NPHS1: variants seen among roughly 807,000 people sequenced by gnomAD.
NPHS1 encodes the protein NPHS1 adhesion molecule, nephrin.
NPHS1 carries 107 observed loss-of-function variants against 139.7 expected under a neutral mutation model. The observed-to-expected ratio is 0.77, with a 90% CI of 0.66 to 0.90. NPHS1 has a LOEUF of 0.90. Ranked by LOEUF, NPHS1 falls within the 40% of genes least tolerant of loss-of-function variation. The probability of loss-of-function intolerance (pLI) is 0.00; values close to 1 mark genes in which losing one functional copy is unlikely to be tolerated. For synonymous variants in NPHS1, 707 were observed against 706.6 expected (o/e 1.00, Z -0.01); for missense variants, 1,580 against 1,654.2 (o/e 0.96, Z 0.78).
At chr19:35,847,171 G>A (rs1447722617) in intron 11 of NPHS1, among the ~76,000 whole-genome samples, 2 of 148,346 alleles carry the variant, frequency 1.3e-5, no homozygotes, top group Admixed American at 1.3e-4. Flanking sequence ...TCAGCCTCCC[G>A]AGTAGCTGGG....
intron 17 of NPHS1, 133 bp downstream of exon 17, chr19:35,843,339 G>T: frequency 8.6e-7 from 1 of 1,157,144 alleles, no homozygotes; most frequent in Non-Finnish European, 1.3e-6. Flanking sequence ...TATTCATTCT[G>T]GGAGCATGCC....
At chr19:35,850,921 C>T (rs1235674417) in intron 4 of NPHS1, 40 bp downstream of exon 4, 1 of 1,612,222 alleles carries the variant, frequency 6.2e-7, no homozygotes, top group Non-Finnish European at 8.5e-7. Flanking sequence ...ACTCCAGAGG[C>T]TTCATGCTGC....
rs386833947 is a variant in NPHS1 at position 35,850,969 on chromosome 19, ATGG to A, written c.515_517del (p.Thr172del). ...AGTTCACCCACACTCACTCAGGAGA[ATGG>A]TGATGTCAGGTGCTGGCTTCGCGTC... On this transcript the variant is annotated inframe_deletion, in exon 4 of 29. Coordinates refer to ENST00000378910, the MANE Select transcript of NPHS1 (RefSeq NM_004646.4). 20 of 1,613,964 alleles carry A rather than the reference ATGG, an allele frequency of 1.2e-5. No homozygotes were observed. Among genetic ancestry groups the A allele is most frequent in the Middle Eastern group, 3.3e-4 (2 of 6,084 alleles).
At position 35,845,702 on chromosome 19, in the gene NPHS1, G is replaced by A. The variant is rs386833890; in HGVS notation, c.1724C>T (p.Pro575Leu). 1 of 1,614,044 alleles carries A rather than the reference G, an allele frequency of 6.2e-7. No individual in the cohort carries two copies. Among genetic ancestry groups the A allele is most frequent in the Admixed American group, 1.7e-5 (1 of 60,008 alleles). The change falls in exon 13 of 29, where the codon CCG becomes CTG. Residue 575 changes from proline to leucine, a missense_variant. By Grantham distance (98) the Pro-to-Leu change is moderately conservative. Transcript: ENST00000378910. The surrounding 1 kb of genome is among the most constrained non-coding windows in gnomAD (Gnocchi z 5.5). ...LTCVSVSSNP[P>L]VNLSWDKEGE... Reference sequence around the variant, plus strand: ...TTCCTTGTCCCAGGACAAGTTGACCGGCGGATTGCTGCTGACGCTGACGCA... The same window carrying A: ...TTCCTTGTCCCAGGACAAGTTGACCAGCGGATTGCTGCTGACGCTGACGCA...
intron 17 of NPHS1, among the ~76,000 whole-genome samples, 180 bp from the exon 18 acceptor site, chr19:35,842,730 C>T (rs565490166): frequency 1.1e-4 from 16 of 152,246 alleles, no homozygotes; most frequent in Middle Eastern, 3.4e-3. Flanking sequence ...TTTCATCCAC[C>T]AATCCAGGCA....
At position 35,846,091 on chromosome 19, in the gene NPHS1, A is replaced by G. The variant is rs1385185693; in HGVS notation, c.1544T>C (p.Leu515Pro). Residue 515 changes from leucine (L) to proline (P), a missense_variant, in exon 12 of 29, where the codon CTG (leucine) becomes CCG (proline). Coordinates refer to ENST00000378910, the MANE Select transcript of NPHS1 (RefSeq NM_004646.4). ...CTGGTTGTCCGACGGCCCTGTGACC[A>G]GCACCAGCTCTCGGGAGAAGGTGCT... ...SGSTFSRELV[L>P]VTGPSDNQAK... 5 of 1,596,942 alleles carry G rather than the reference A, an allele frequency of 3.1e-6. No homozygotes were observed. Among genetic ancestry groups the G allele is most frequent in the Non-Finnish European group, 4.3e-6 (5 of 1,172,306 alleles).
chr19:35,832,840 T>A (rs547776639), intron 23 of NPHS1, among the ~76,000 whole-genome samples: 60 of 123,262 alleles, frequency 4.9e-4, no homozygotes, highest in African/African-American at 1.7e-3. Flanking sequence ...TGAGCCGAGA[T>A]CACGCTACTG....
rs909647218 is a variant in NPHS1, at chr19:35,838,106, T to G, written c.3109+1131A>C. On this transcript the variant is annotated intron_variant, in intron 22 of 28. Transcript: ENST00000378910. ...GTCTCTACTAAAAAATACAAAAAATTACAGGTGCATGCCTGTAATCCCAGC... is the reference window on the plus strand; with the variant it reads ...GTCTCTACTAAAAAATACAAAAAATGACAGGTGCATGCCTGTAATCCCAGC... 2.0e-5 allele frequency among the ~76,000 whole-genome samples: 3 copies of G among 147,840 alleles called. No homozygotes were observed. In the Admixed American group the frequency reaches 2.0e-4, roughly 10 times the overall value.
At chr19:35,830,478 T>G (rs575881239) in intron 28 of NPHS1, among the ~76,000 whole-genome samples, 76 of 152,352 alleles carry the variant, frequency 5.0e-4, no homozygotes, top group Admixed American at 1.4e-3. Flanking sequence ...GGCACCATCA[T>G]GGCTCACCGC....
At position 35,831,547 on chromosome 19, in the gene NPHS1, C is replaced by A. The variant is rs375542020; in HGVS notation, c.3287-47G>T. ...GGCTCAGTGACCCTATGCAAGCCCC[C>A]CACCCCGGCCCCAGGAAGACCTTCA... On this transcript the variant is annotated intron_variant, in intron 24 of 28. Transcript: ENST00000378910. 5 of 1,613,424 alleles carry A rather than the reference C, an allele frequency of 3.1e-6. No individual in the cohort carries two copies. In the African/African-American group the frequency reaches 6.7e-5, roughly 22 times the overall value.
intron 9 of NPHS1, 37 bp downstream of exon 9, chr19:35,848,600 T>G: frequency 6.2e-7 from 1 of 1,609,624 alleles, no homozygotes; most frequent in Non-Finnish European, 8.5e-7. Context: ...CTCAGCCCCC[T>G]CCATGCTCAG....
At position 35,826,619 on chromosome 19, in the gene NPHS1, T is replaced by A; in HGVS notation, c.3621A>T (p.Glu1207Asp). Reference protein sequence around the residue: ...QMGPWDLHWPEDTYQDPRGIY... With the variant: ...QMGPWDLHWPDDTYQDPRGIY... ...TTCCTCTTGGATCCTGATATGTGTCTTCAGGCCAGTGGAGGTCCCAGGGTC... is the reference window on the plus strand; with the variant it reads ...TTCCTCTTGGATCCTGATATGTGTCATCAGGCCAGTGGAGGTCCCAGGGTC... The change falls in exon 29 of 29, where the codon GAA becomes GAT. Residue 1207 changes from glutamate (E) to aspartate (D), a missense_variant. By Grantham distance (45) the Glu-to-Asp change is conservative. Transcript: ENST00000378910. The A allele has an allele frequency of 6.2e-7, 1 of 1,614,056 alleles. No homozygotes were observed. The highest frequency in any genetic ancestry group is 8.5e-7 in the Non-Finnish European group (1 of 1,179,994).
At chr19:35,837,697 G>C (rs1972987289) in intron 22 of NPHS1, among the ~76,000 whole-genome samples, 1 of 151,768 alleles carries the variant, frequency 6.6e-6, no homozygotes, top group Non-Finnish European at 1.5e-5. Context: ...CTGCCTCCCA[G>C]GTTCAAGTGA....
chr19:35,835,869 T>A (rs747613900), intron 22 of NPHS1, 108 bp from the exon 23 acceptor site: 43 of 914,254 alleles, frequency 4.7e-5, no homozygotes, highest in Middle Eastern at 2.1e-4. Flanking sequence ...AACTGGTATA[T>A]GACTGCTTAA....
In NPHS1 at chr19:35,827,576, A is replaced by G. The variant is rs145511556; in HGVS notation, c.3595-931T>C. On this transcript the variant is annotated intron_variant, in intron 28 of 28. Coordinates refer to ENST00000378910, the MANE Select transcript of NPHS1 (RefSeq NM_004646.4). Reference sequence around the variant, plus strand: ...AACTGGATTATTTTGAAGCAAGCCCAAGATACCCAATGATTTCATGTTAGA... The same window carrying G: ...AACTGGATTATTTTGAAGCAAGCCCGAGATACCCAATGATTTCATGTTAGA... Among the ~76,000 whole-genome samples, 448 of 152,338 alleles carry G rather than the reference A, an allele frequency of 2.9e-3. 4 individuals carry two copies. The highest frequency in any genetic ancestry group is 0.01 in the African/African-American group (416 of 41,574).
At chr19:35,849,208 CA>C (rs751911637) in intron 7 of NPHS1, 27 bp downstream of exon 7, 1 of 1,613,710 alleles carries the variant, frequency 6.2e-7, no homozygotes, top group Non-Finnish European at 8.5e-7. Context: ...ACTGTCCCCC[CA>C]TTCCCCATGC....
In NPHS1 at chr19:35,826,556, T is replaced by A; in HGVS notation, c.3684A>T (p.Glu1228Asp). 6.2e-7 allele frequency: 1 copy of A among 1,613,970 alleles called. No homozygotes were observed. The highest frequency in any genetic ancestry group is 8.5e-7 in the Non-Finnish European group (1 of 1,180,006). ...TCAGCTCGAAGGGCAGAGAATCGGG[T>A]TCCAGAGTGTCCAAGTCTCCGGCCA... ...DQVAGDLDTL[E>D]PDSLPFELRG... Residue 1228 changes from glutamate to aspartate, a missense_variant, in exon 29 of 29, where the codon GAA (glutamate) becomes GAT (aspartate). Transcript: ENST00000378910.
rs1160434164 is a variant in NPHS1 at position 35,843,528 on chromosome 19, C to T, written c.2278G>A (p.Val760Ile). The change falls in exon 17 of 29, where the codon GTC becomes ATC. Residue 760 changes from valine to isoleucine, a missense_variant. Val to Ile is a conservative substitution (Grantham distance 29, BLOSUM62 3). Coordinates refer to ENST00000378910, the MANE Select transcript of NPHS1 (RefSeq NM_004646.4). Reference sequence around the variant, plus strand: ...ATGGGATTGGCATCGACAGTGCAGACTATGTCCACAGAACCCCCGACGTTC... The same window carrying T: ...ATGGGATTGGCATCGACAGTGCAGATTATGTCCACAGAACCCCCGACGTTC... ...EVNVGGSVDI[V>I]CTVDANPILP... is the part of the protein sequence containing the mutation. 1 of 1,614,150 alleles carries T rather than the reference C, an allele frequency of 6.2e-7. No homozygotes were observed. Among genetic ancestry groups the T allele is most frequent in the Middle Eastern group, 1.6e-4 (1 of 6,062 alleles).
Position 35,835,951 on chromosome 19 carries a change from G to A in NPHS1, c.3110-190C>T, listed in dbSNP as rs114864874. Among the ~76,000 whole-genome samples the A allele has an allele frequency of 6.4e-3, 945 of 147,550 alleles. 9 individuals carry two copies. Among genetic ancestry groups the A allele is most frequent in the African/African-American group, 0.022 (889 of 39,738 alleles). Reference sequence around the variant, plus strand: ...TATTAATAGCAATTCTAATGGTAACGCTAATGCTAAGAATAATTTGTTTTT... The same window carrying A: ...TATTAATAGCAATTCTAATGGTAACACTAATGCTAAGAATAATTTGTTTTT... On this transcript the variant is annotated intron_variant, in intron 22 of 28. Coordinates refer to ENST00000378910, the MANE Select transcript of NPHS1 (RefSeq NM_004646.4).
Sources: gnomAD v4.1 joint callset for allele counts (sites outside exome capture counted in the v4.1 genomes callset) on GRCh38, gnomAD v4.1.1 for gene constraint, Gnocchi (gnomAD v3.1) non-coding constraint, MANE v1.5 for transcripts, NCBI Gene and HGNC (gene_info 2026-07-23, HGNC 2026-07-21) for gene names.